ESYT2: variants seen among roughly 807,000 people sequenced by gnomAD.
The protein encoded by ESYT2 is extended synaptotagmin 2.
ESYT2 carries 54 observed loss-of-function variants against 107.2 expected under a neutral mutation model. The observed-to-expected ratio is 0.50, with a 90% CI of 0.40 to 0.63. The LOEUF (loss-of-function observed/expected upper bound fraction) is 0.63. ESYT2 is among the 30% of genes least tolerant of loss of function. ESYT2 has a pLI of 0.00. For missense variants in ESYT2, 1,020 were observed against 1,094.5 expected (o/e 0.93, Z 0.96); for synonymous variants, 491 against 434.1 (o/e 1.13, Z -1.63).
At chr7:158,783,694 A>T (rs897977833) in intron 6 of ESYT2, among the ~76,000 whole-genome samples, 1 of 152,198 alleles carries the variant, frequency 6.6e-6, no homozygotes, top group Non-Finnish European at 1.5e-5. Context: ...GACTCCAGCA[A>T]GATCCTAATG....
intron 17 of ESYT2, among the ~76,000 whole-genome samples, chr7:158,742,995 T>C (rs1370360801): frequency 6.6e-6 from 1 of 152,226 alleles, no homozygotes; most frequent in Non-Finnish European, 1.5e-5. Context: ...TTTATTTTAA[T>C]TTGCATTTCT....
At chr7:158,736,941 T>C (rs1836976688) in intron 20 of ESYT2, 107 bp downstream of exon 20, 1 of 1,467,442 alleles carries the variant, frequency 6.8e-7, no homozygotes, top group Non-Finnish European at 9.3e-7. Context: ...ATTGAACTTC[T>C]CAACAGCTGA....
intron 4 of ESYT2, among the ~76,000 whole-genome samples, chr7:158,789,832 A>G (rs1386858842): frequency 6.6e-6 from 1 of 152,182 alleles, no homozygotes; most frequent in African/African-American, 2.4e-5. Flanking sequence ...ATGAAACCAG[A>G]CTGATGCGTA....
chr7:158,776,031 G>A (rs1838549436), intron 6 of ESYT2, among the ~76,000 whole-genome samples: 1 of 152,236 alleles, frequency 6.6e-6, no homozygotes, highest in Non-Finnish European at 1.5e-5. Context: ...CAGATCTCCT[G>A]GGTGACCAGG....
At chr7:158,751,672 T>C (rs1837589480) in intron 14 of ESYT2, among the ~76,000 whole-genome samples, 1 of 152,180 alleles carries the variant, frequency 6.6e-6, no homozygotes, top group Non-Finnish European at 1.5e-5. Flanking sequence ...ATTTAATGTA[T>C]TCGATAATTT....
intron 8 of ESYT2, among the ~76,000 whole-genome samples, chr7:158,767,235 T>C (rs2129472320): frequency 6.6e-6 from 1 of 152,336 alleles, no homozygotes; most frequent in East Asian, 1.9e-4. Flanking sequence ...AATTCTAACA[T>C]CTGAGAGAAA....
intron 14 of ESYT2, among the ~76,000 whole-genome samples, chr7:158,752,527 T>G (rs1165725095): frequency 2.0e-5 from 3 of 152,234 alleles, no homozygotes; most frequent in Non-Finnish European, 4.4e-5. Flanking sequence ...TAAATCACCT[T>G]AGAGAGAGTT....
intron 1 of ESYT2, among the ~76,000 whole-genome samples, chr7:158,802,710 C>CTTTTTAAAT (rs1839681431): frequency 6.6e-6 from 1 of 152,130 alleles, no homozygotes; most frequent in African/African-American, 2.4e-5. Context: ...TGACTCATTC[C>CTTTTTAAAT]TCTTTAAAAA....
At chr7:158,766,507 T>C (rs923345300) in intron 8 of ESYT2, among the ~76,000 whole-genome samples, 2 of 152,190 alleles carry the variant, frequency 1.3e-5, no homozygotes, top group African/African-American at 4.8e-5. Flanking sequence ...CAGCATCACA[T>C]TAAAGCTGTT....
chr7:158,754,758 C>T (rs1587393123), intron 13 of ESYT2, among the ~76,000 whole-genome samples: 1 of 152,288 alleles, frequency 6.6e-6, no homozygotes, highest in East Asian at 1.9e-4. Context: ...CGACTCTGGG[C>T]CCACGCTGAG....
chr7:158,766,274 A>G (rs1419441900), intron 8 of ESYT2, among the ~76,000 whole-genome samples: 1 of 152,194 alleles, frequency 6.6e-6, no homozygotes, highest in Non-Finnish European at 1.5e-5. Flanking sequence ...GCTCTTGTTT[A>G]TATTTTCACA....
chr7:158,764,916 T>C, intron 8 of ESYT2, 63 bp from the exon 9 acceptor site: 2 of 1,526,472 alleles, frequency 1.3e-6, no homozygotes, highest in Non-Finnish European at 1.8e-6. Context: ...GCATGGAAGA[T>C]AGCTACGCAC....
chr7:158,772,413 T>TA (rs955042543), intron 7 of ESYT2, among the ~76,000 whole-genome samples: 1 of 151,968 alleles, frequency 6.6e-6, no homozygotes, highest in Non-Finnish European at 1.5e-5. Flanking sequence ...TATATGAGAA[T>TA]AAAAAAATAG....
At chr7:158,801,201 C>T (rs1313532823) in intron 1 of ESYT2, among the ~76,000 whole-genome samples, 2 of 152,192 alleles carry the variant, frequency 1.3e-5, no homozygotes, top group Non-Finnish European at 2.9e-5. Flanking sequence ...AACAGAGAAA[C>T]CCTCTGCCCA....
chr7:158,772,922 G>T (rs1273320305), intron 7 of ESYT2, among the ~76,000 whole-genome samples: 2 of 150,392 alleles, frequency 1.3e-5, no homozygotes, highest in Admixed American at 1.3e-4. Context: ...AGAAAGGGTG[G>T]GGTAGCCATA....
At chr7:158,821,101 A>C (rs955221297) in intron 1 of ESYT2, among the ~76,000 whole-genome samples, 1 of 152,246 alleles carries the variant, frequency 6.6e-6, no homozygotes, top group East Asian at 1.9e-4. Context: ...AGAACTTTAA[A>C]AACAGTTAAG....
At chr7:158,814,515 G>A (rs369543663) in intron 1 of ESYT2, among the ~76,000 whole-genome samples, 19 of 151,816 alleles carry the variant, frequency 1.3e-4, no homozygotes, top group East Asian at 9.7e-4. Flanking sequence ...TACGTTACTC[G>A]TCCCGATTAC....
At chr7:158,825,756 T>C (rs751210809) in intron 1 of ESYT2, among the ~76,000 whole-genome samples, 2 of 152,250 alleles carry the variant, frequency 1.3e-5, no homozygotes, top group African/African-American at 2.4e-5. Context: ...CTGCCATGAA[T>C]TCACGGTTGT....
chr7:158,823,344 A>G (rs887908907), intron 1 of ESYT2, among the ~76,000 whole-genome samples: 6 of 115,868 alleles, frequency 5.2e-5, no homozygotes, highest in African/African-American at 2.0e-4. Context: ...TTTTTTTTTT[A>G]GAGACGGACT....
Sources: allele counts gnomAD v4.1 joint callset (sites outside exome capture counted in the v4.1 genomes callset), GRCh38; gene constraint gnomAD v4.1.1; transcripts MANE v1.5; gene names NCBI Gene and HGNC (gene_info 2026-07-23, HGNC 2026-07-21).